ADAD1: variants seen among roughly 807,000 people sequenced by gnomAD.
The protein encoded by ADAD1 is adenosine deaminase domain-containing protein 1.
Under a neutral mutation model 66.8 loss-of-function variants are expected in ADAD1, and 46 were observed. That is an observed-to-expected ratio of 0.69 (90% CI 0.54 to 0.88). The LOEUF (loss-of-function observed/expected upper bound fraction) is 0.88, where lower values mean the gene tolerates loss of function less well. ADAD1 is among the 40% of genes least tolerant of loss of function. ADAD1 has a pLI of 0.00. For synonymous variants in ADAD1, 248 were observed against 229.4 expected, an observed-to-expected ratio of 1.08 and a Z score of -0.73; for missense variants, 617 against 681.8, an observed-to-expected ratio of 0.91 and a Z score of 1.06.
chr4:122,379,767 A>C, intron 2 of ADAD1: 1 of 240,442 alleles, frequency 4.2e-6, no homozygotes, highest in Non-Finnish European at 8.0e-6. Flanking sequence ...TGACCTTGCT[A>C]ATATCTTCCC....
At chr4:122,412,473 T>C (rs1796510362) in intron 9 of ADAD1, 107 bp from the exon 10 acceptor site, 1 of 878,630 alleles carries the variant, frequency 1.1e-6, no homozygotes, top group Non-Finnish European at 1.8e-6. Flanking sequence ...TGGAATTAAA[T>C]GTACACTGGG....
In ADAD1 at chr4:122,383,962, A is replaced by G; in HGVS notation, c.525A>G (p.Thr175=). The G allele has an allele frequency of 6.2e-7, 1 of 1,605,900 alleles. No homozygotes were observed. Among genetic ancestry groups the G allele is most frequent in the Non-Finnish European group, 8.5e-7 (1 of 1,176,986 alleles). Residue 175 remains threonine (T), a synonymous_variant, in exon 5 of 13, where the codon ACA becomes ACG. Transcript: ENST00000296513. The part of the protein sequence containing the change: ...LDEPEPRILE[T]SGPPPFPAEP... ...AACCTGAACCACGAATTTTAGAAAC[A>G]TCAGGTAAATACTCTTGATTATAAA...
intron 7 of ADAD1, among the ~76,000 whole-genome samples, chr4:122,404,027 C>T (rs1198888761): frequency 1.3e-5 from 2 of 152,152 alleles, no homozygotes; most frequent in East Asian, 1.9e-4. Context: ...TGCAGTGCCC[C>T]GCCAACAGAG....
intron 7 of ADAD1, among the ~76,000 whole-genome samples, chr4:122,400,500 AG>A (rs1400642767): frequency 6.6e-6 from 1 of 152,040 alleles, no homozygotes; most frequent in Non-Finnish European, 1.5e-5. Flanking sequence ...TTTTGGTATT[AG>A]GGTGATACTG....
At chr4:122,382,694 T>A (rs1343413536) in intron 4 of ADAD1, among the ~76,000 whole-genome samples, 1 of 152,168 alleles carries the variant, frequency 6.6e-6, no homozygotes, top group Non-Finnish European at 1.5e-5. Flanking sequence ...GATGGGATTA[T>A]GAGTGTGAGC....
At chr4:122,392,187 C>G (rs1004319382) in intron 5 of ADAD1, among the ~76,000 whole-genome samples, 1 of 152,128 alleles carries the variant, frequency 6.6e-6, no homozygotes, top group Non-Finnish European at 1.5e-5. Context: ...ATGTCAACAA[C>G]TCTATTACTG....
intron 7 of ADAD1, 138 bp downstream of exon 7, chr4:122,396,515 A>C (rs1438701043): frequency 1.6e-6 from 1 of 639,864 alleles, no homozygotes; most frequent in Non-Finnish European, 2.4e-6. Context: ...GTCATTAAAC[A>C]CAAAGCTTCT....
In ADAD1 at chr4:122,380,243, T is replaced by A; in HGVS notation, c.172+2T>A. 1.2e-6 allele frequency: 2 copies of A among 1,601,468 alleles called. No homozygotes were observed. Among genetic ancestry groups the A allele is most frequent in the Non-Finnish European group, 1.7e-6 (2 of 1,175,944 alleles). ...CATCCAAGGTTACGCAAGTAACGGG[T>A]ACGACTTTTTTCATTTGTAACAATG... On this transcript the variant is annotated splice_donor_variant, in intron 3 of 12. Coordinates refer to ENST00000296513, the MANE Select transcript of ADAD1 (RefSeq NM_139243.4). LOFTEE classifies it high-confidence loss of function.
At chr4:122,416,032 C>T (rs1164298528) in intron 11 of ADAD1, among the ~76,000 whole-genome samples, 2 of 152,108 alleles carry the variant, frequency 1.3e-5, no homozygotes, top group Non-Finnish European at 2.9e-5. Flanking sequence ...TTTTTATGCT[C>T]TTCCAAATAT....
intron 7 of ADAD1, among the ~76,000 whole-genome samples, chr4:122,405,714 C>A (rs1468331107): frequency 6.6e-6 from 1 of 152,154 alleles, no homozygotes; most frequent in Non-Finnish European, 1.5e-5. Flanking sequence ...CAAGTTTGTA[C>A]CCTTTGATCA....
intron 7 of ADAD1, among the ~76,000 whole-genome samples, chr4:122,402,253 G>A (rs1471008785): frequency 1.3e-5 from 2 of 152,046 alleles, no homozygotes; most frequent in Non-Finnish European, 2.9e-5. Context: ...CTTCATTCAT[G>A]AAGCTCAGTT....
At chr4:122,386,636 C>G (rs1479437133) in intron 5 of ADAD1, among the ~76,000 whole-genome samples, 1 of 152,144 alleles carries the variant, frequency 6.6e-6, no homozygotes, top group Non-Finnish European at 1.5e-5. Context: ...ATGGTATTGC[C>G]TAGGTTTTCT....
chr4:122,394,253 ATTATT>A (rs1229167030), intron 6 of ADAD1, among the ~76,000 whole-genome samples: 1 of 152,164 alleles, frequency 6.6e-6, no homozygotes, highest in East Asian at 1.9e-4. Context: ...AGTAACTAAT[ATTATT>A]TTATTATAAC....
At chr4:122,398,987 T>C (rs1795845112) in intron 7 of ADAD1, among the ~76,000 whole-genome samples, 1 of 152,150 alleles carries the variant, frequency 6.6e-6, no homozygotes, top group Non-Finnish European at 1.5e-5. Flanking sequence ...GCCTCATCTG[T>C]TTATCTTTGT....
chr4:122,398,458 A>G (rs1795818831), intron 7 of ADAD1, among the ~76,000 whole-genome samples: 1 of 152,012 alleles, frequency 6.6e-6, no homozygotes, highest in South Asian at 2.1e-4. Context: ...TGTCTTTTTC[A>G]TATAATGACT....
intron 5 of ADAD1, among the ~76,000 whole-genome samples, chr4:122,391,237 C>T (rs1203319111): frequency 2.6e-5 from 4 of 152,128 alleles, no homozygotes; most frequent in Admixed American, 2.0e-4. Context: ...GGTGCCTGCT[C>T]CTCCCTCTGG....
At position 122,383,831 on chromosome 4, in the gene ADAD1, G is replaced by A; in HGVS notation, c.394G>A (p.Ala132Thr). The A allele has an allele frequency of 6.2e-7, 1 of 1,610,086 alleles. No individual in the cohort carries two copies. The highest frequency in any genetic ancestry group is 8.5e-7 in the Non-Finnish European group (1 of 1,178,814). ...TATGGGACCATATTTTGCCTTTTGT[G>A]CTGTGGTGGATGGTATTCAGTACAA... The part of the protein sequence containing the change: ...NVMGPYFAFC[A>T]VVDGIQYKTG... The change falls in exon 5 of 13, where the codon GCT becomes ACT. Residue 132 changes from alanine (A) to threonine (T), a missense_variant. Coordinates refer to ENST00000296513, the MANE Select transcript of ADAD1 (RefSeq NM_139243.4).
intron 9 of ADAD1, among the ~76,000 whole-genome samples, 180 bp from the exon 10 acceptor site, chr4:122,412,400 A>G (rs147250892): frequency 5.8e-4 from 88 of 152,242 alleles, no homozygotes; most frequent in African/African-American, 2.0e-3. Flanking sequence ...TCTGTTTTAT[A>G]GTACTATTGT....
intron 7 of ADAD1, among the ~76,000 whole-genome samples, chr4:122,404,120 A>T (rs1028713201): frequency 3.3e-5 from 5 of 152,132 alleles, no homozygotes; most frequent in Non-Finnish European, 7.4e-5. Context: ...GAAAGCAAGC[A>T]GGGCTTTCAG....
Sources: allele counts gnomAD v4.1 joint callset (sites outside exome capture counted in the v4.1 genomes callset), GRCh38; gene constraint gnomAD v4.1.1; transcripts MANE v1.5; gene names NCBI Gene and HGNC (gene_info 2026-07-23, HGNC 2026-07-21).